The following DOT1L variants were observed in gnomAD, a reference collection of about 807,000 sequenced individuals.
DOT1L encodes DOT1 like histone lysine methyltransferase.
In DOT1L, 33 loss-of-function variants were observed where a neutral mutation model predicts 153.3. The ratio of observed to expected loss-of-function variants is 0.22; its 90% CI spans 0.16 to 0.29. The LOEUF (loss-of-function observed/expected upper bound fraction) is 0.29, where lower values mean the gene tolerates loss of function less well. DOT1L is among the 10% of genes least tolerant of loss of function. DOT1L has a pLI of 1.00. For missense variants in DOT1L, 1,847 were observed against 2,119.9 expected, an observed-to-expected ratio of 0.87 and a Z score of 2.53; for synonymous variants, 1,135 against 965.1, an observed-to-expected ratio of 1.18 and a Z score of -3.26.
chr19:2,228,823 G>T, intron 27 of DOT1L: 3 of 985,434 alleles, frequency 3.0e-6, no homozygotes, highest in Non-Finnish European at 3.6e-6. Flanking sequence ...GCACGGTGCC[G>T]GCTGCAGAGG....
At chr19:2,196,968 C>G (rs987938767) in intron 7 of DOT1L, among the ~76,000 whole-genome samples, 1 of 151,858 alleles carries the variant, frequency 6.6e-6, no homozygotes, top group African/African-American at 2.4e-5. Context: ...GGTTTCTGTT[C>G]CTCACCCCGT....
chr19:2,209,094 T>A, intron 12 of DOT1L, 118 bp downstream of exon 12: 1 of 1,176,688 alleles, frequency 8.5e-7, no homozygotes, highest in Admixed American at 2.5e-5. Context: ...CTGCCGCCCC[T>A]CGGGGCCCGG....
rs73514432 is a variant in DOT1L, at chr19:2,171,826, C to T, written c.81+7561C>T. On this transcript the variant is annotated intron_variant, in intron 1 of 27. Transcript: ENST00000398665. The stretch of plus-strand genomic sequence containing the variant: ...TGGGAGTGTATTTGGGCCTCGTTTG[C>T]GGGCTGCAGCTCTGGAGACACAGAT... Among the ~76,000 whole-genome samples, 1,482 of 152,262 alleles carry T rather than the reference C, an allele frequency of 9.7e-3. 23 individuals are homozygous for T. Among genetic ancestry groups the T allele is most frequent in the African/African-American group, 0.033 (1,385 of 41,542 alleles).
intron 1 of DOT1L, among the ~76,000 whole-genome samples, chr19:2,177,540 A>G (rs1391436287): frequency 2.0e-5 from 3 of 152,066 alleles, no homozygotes; most frequent in South Asian, 2.1e-4. Flanking sequence ...TGATAGAGCT[A>G]ATATTTGTGT....
intron 1 of DOT1L, among the ~76,000 whole-genome samples, chr19:2,180,400 G>A (rs984313626): frequency 1.3e-5 from 2 of 152,288 alleles, no homozygotes; most frequent in Admixed American, 1.3e-4. Context: ...GCGGAGCTTG[G>A]GGCGGCCGTT....
intron 1 of DOT1L, among the ~76,000 whole-genome samples, chr19:2,170,719 CA>C (rs1419706765): frequency 6.6e-6 from 1 of 152,154 alleles, no homozygotes; most frequent in Non-Finnish European, 1.5e-5. Context: ...GGCTTGATTA[CA>C]TTGCCTCAGT....
At chr19:2,203,588 C>T (rs945773449) in intron 9 of DOT1L, among the ~76,000 whole-genome samples, 4 of 152,218 alleles carry the variant, frequency 2.6e-5, no homozygotes, top group East Asian at 1.9e-4. Flanking sequence ...GGGCCCTTCA[C>T]GCTGTTTTCT....
Position 2,164,205 on chromosome 19 carries a change from G to C in DOT1L, c.21G>C (p.Leu7=). ...CGGACATGGGGGAGAAGCTGGAGCTGAGACTGAAGTCGCCCGTGGGGGCTG... is the reference window on the plus strand; with the variant it reads ...CGGACATGGGGGAGAAGCTGGAGCTCAGACTGAAGTCGCCCGTGGGGGCTG... The part of the protein sequence containing the change: MGEKLE[L]RLKSPVGAEP... Residue 7 remains leucine (L), a synonymous_variant, in exon 1 of 28, where the codon CTG becomes CTC. Coordinates refer to ENST00000398665, the MANE Select transcript of DOT1L (RefSeq NM_032482.3). The C allele has an allele frequency of 1.6e-6, 2 of 1,277,100 alleles. No individual in the cohort carries two copies. Among genetic ancestry groups the C allele is most frequent in the East Asian group, 3.0e-5 (1 of 32,828 alleles). 79.1% of individuals were successfully genotyped at this position (1,277,100 alleles called of 1,614,324 possible).
At position 2,210,863 on chromosome 19, in the gene DOT1L, G is replaced by C. The variant is rs1172919978; in HGVS notation, c.1351+8G>C. On this transcript the variant is annotated splice_region_variant and intron_variant, in intron 14 of 27. Transcript: ENST00000398665. ...CGGCCTCCTCACCCCAGGGTGAGCC[G>C]CCCCCACGCCACGGCCCCCGCTCTC... is the stretch of plus-strand genomic sequence containing the variant. 6.2e-7 allele frequency: 1 copy of C among 1,610,758 alleles called. No individual in the cohort carries two copies. Among genetic ancestry groups the C allele is most frequent in the Non-Finnish European group, 8.5e-7 (1 of 1,178,978 alleles).
Position 2,217,437 on chromosome 19 carries a change from A to G in DOT1L, c.2545-335A>G, listed in dbSNP as rs986110985. Among the ~76,000 whole-genome samples the G allele has an allele frequency of 6.6e-6, 1 of 152,046 alleles. No homozygotes were observed. The highest frequency in any genetic ancestry group is 1.5e-5 in the Non-Finnish European group (1 of 67,990). On this transcript the variant is annotated intron_variant, in intron 21 of 27. Transcript: ENST00000398665. The surrounding 1 kb of genome is among the most constrained non-coding windows in gnomAD (Gnocchi z 7.3). The stretch of plus-strand genomic sequence containing the variant: ...CACTGGCCTGTGTGCACAGGGATGG[A>G]GAGGGAAGGACGGTGACGTTGCATG...
chr19:2,176,383 G>A (rs1391210038), intron 1 of DOT1L, among the ~76,000 whole-genome samples: 1 of 152,202 alleles, frequency 6.6e-6, no homozygotes, highest in African/African-American at 2.4e-5. Context: ...AAACAGGCGT[G>A]GGGCAGAGGG....
rs545446002 is a variant in DOT1L at position 2,187,691 on chromosome 19, G to A, written c.200+1762G>A. ...TAATCCCAGCACTTTGGGAGGCCGA[G>A]GCGGATGGATCACGAGGTCAGGAGA... On this transcript the variant is annotated intron_variant, in intron 3 of 27. Transcript: ENST00000398665. Among the ~76,000 whole-genome samples, 9 of 152,272 alleles carry A rather than the reference G, an allele frequency of 5.9e-5. No individual in the cohort carries two copies. The East Asian group carries it at 1.2e-3, about 20-fold the overall frequency.
In DOT1L at chr19:2,226,810, C is replaced by A. The variant is rs756329795; in HGVS notation, c.4289C>A (p.Ala1430Glu). 3 of 1,578,576 alleles carry A rather than the reference C, an allele frequency of 1.9e-6. No individual in the cohort carries two copies. The South Asian group carries it at 3.4e-5, about 18-fold the overall frequency. Residue 1430 changes from alanine to glutamate, a missense_variant, in exon 27 of 28, where the codon GCG (alanine) becomes GAG (glutamate). Physicochemically the swap from Ala to Glu is moderately radical, Grantham distance 107 (BLOSUM62 -1). Transcript: ENST00000398665. ...LKNGHNLFIS[A>E]AAVPPGSLLS... is the part of the protein sequence containing the mutation. ...AATGGCCACAACCTCTTCATCTCTG[C>A]GGCGGCCGTGCCTCCCGGAAGCCTC...
Position 2,230,453 on chromosome 19 carries a change from CCTGCGCGGTGACGCAGCTGGCCATGTG to C in DOT1L, c.*669_*695del, listed in dbSNP as rs1293909365. The C allele has an allele frequency of 5.0e-6, 2 of 399,512 alleles. No homozygotes were observed. Among genetic ancestry groups the C allele is most frequent in the African/African-American group, 4.1e-5 (2 of 48,660 alleles). The allele number at this position is 399,512 out of a possible 1,614,324, so 24.7% of individuals were successfully genotyped here. A position where few individuals can be genotyped will look rare whatever the true frequency, so the allele number is the denominator to read the frequency against. ...GGTTGCGCCCTTGCATGTGAAGGGG[CCTGCGCGGTGACGCAGCTGGCCATGTG>C]CTGCGCGATGGTGCTGTGAGGACGG... On this transcript the variant is annotated 3_prime_UTR_variant, in exon 28 of 28. Coordinates refer to ENST00000398665, the MANE Select transcript of DOT1L (RefSeq NM_032482.3).
In DOT1L at chr19:2,210,742, G is replaced by A; in HGVS notation, c.1238G>A (p.Arg413His). 2 of 1,613,126 alleles carry A rather than the reference G, an allele frequency of 1.2e-6. No homozygotes were observed. ...AAGATGGCTGGCCGCAAGCGCGGGC[G>A]CCCCAAGAAGATGAACACTGCGAAC... ...GRKMAGRKRG[R>H]PKKMNTANPE... The change falls in exon 14 of 28, where the codon CGC (arginine) becomes CAC (histidine). Residue 413 changes from arginine (R) to histidine (H), a missense_variant. Transcript: ENST00000398665.
At chr19:2,215,556 CTGCCTTTTCAAA>C (rs1368014541) in intron 19 of DOT1L, 3 of 152,376 alleles carry the variant, frequency 2.0e-5, no homozygotes, top group African/African-American at 7.2e-5. Context: ...TGGACCTCTG[CTGCCTTTTCAAA>C]TGACTGCACC....
At position 2,227,119 on chromosome 19, in the gene DOT1L, C is replaced by T. The variant is rs752509829; in HGVS notation, c.4598C>T (p.Thr1533Ile). The T allele has an allele frequency of 5.1e-6, 8 of 1,556,088 alleles. No individual in the cohort carries two copies. The South Asian group carries it at 7.0e-5, about 14-fold the overall frequency. ...MGSFSGVAGG[T>I]VGGN is the part of the protein sequence containing the mutation. ...AGCTTTTCCGGGGTGGCAGGCGGCA[C>T]AGTTGGAGGTAGGCAGGGCGGCCGT... The change falls in exon 27 of 28, where the codon ACA becomes ATA. Residue 1533 changes from threonine to isoleucine, a missense_variant. By Grantham distance (89) the Thr-to-Ile change is moderately conservative. Transcript: ENST00000398665.
intron 1 of DOT1L, among the ~76,000 whole-genome samples, chr19:2,177,728 C>T (rs1197854989): frequency 6.6e-6 from 1 of 152,022 alleles, no homozygotes; most frequent in East Asian, 1.9e-4. Flanking sequence ...GCTCTCCGCT[C>T]TGCCCAGCCC....
intron 27 of DOT1L, chr19:2,228,243 C>T: frequency 7.3e-7 from 1 of 1,362,582 alleles, no homozygotes; most frequent in Non-Finnish European, 9.8e-7. Flanking sequence ...CCAGGCCGCG[C>T]CCGGGATCCC....
Sources: allele counts gnomAD v4.1 joint callset (sites outside exome capture counted in the v4.1 genomes callset), GRCh38; gene constraint gnomAD v4.1.1; non-coding constraint Gnocchi (gnomAD v3.1); transcripts MANE v1.5; gene names NCBI Gene and HGNC (gene_info 2026-07-23, HGNC 2026-07-21).